The following PYROXD2 variants were observed in gnomAD, a reference collection of about 807,000 sequenced individuals.
PYROXD2 encodes the protein pyridine nucleotide-disulfide oxidoreductase domain-containing protein 2.
PYROXD2 carries 69 observed loss-of-function variants against 71.1 expected under a neutral mutation model. The ratio of observed to expected loss-of-function variants is 0.97; its 90% CI spans 0.80 to 1.19. The LOEUF is 1.19. Ranked by LOEUF, PYROXD2 falls within the 50% of genes most tolerant of loss-of-function variation. PYROXD2 has a pLI of 0.00. For missense variants in PYROXD2, 745 were observed against 748.9 expected (o/e 0.99, Z 0.06); for synonymous variants, 287 against 302.7 (o/e 0.95, Z 0.54).
chr10:98,400,080 A>G (rs1564803988), intron 5 of PYROXD2, 22 bp downstream of exon 5: 1 of 1,609,462 alleles, frequency 6.2e-7, no homozygotes, highest in Non-Finnish European at 8.5e-7. Context: ...GCAGGAGCTC[A>G]GTCACTGGTC....
chr10:98,388,057 T>G (rs115386246), intron 13 of PYROXD2: 3,450 of 340,956 alleles, frequency 0.01, 47 homozygotes, highest in Admixed American at 0.033. Context: ...GGCTCATGCG[T>G]CTCCTTTGGT....
At position 98,391,662 on chromosome 10, in the gene PYROXD2, T is replaced by C. The variant is rs75293431; in HGVS notation, c.1063-580A>G. 4.6e-5 allele frequency among the ~76,000 whole-genome samples: 7 copies of C among 152,304 alleles called. No homozygotes were observed. In the East Asian group the frequency reaches 1.2e-3, roughly 25 times the overall value. ...CACACTCTGACTCTAGGCTTGGCCA[T>C]GAGACTTGGTCTGGCCAATGCTAGC... On this transcript the variant is annotated intron_variant, in intron 10 of 15. Coordinates refer to ENST00000370575, the MANE Select transcript of PYROXD2 (RefSeq NM_032709.3).
chr10:98,410,058 A>G (rs1429521116), intron 2 of PYROXD2, among the ~76,000 whole-genome samples: 1 of 151,664 alleles, frequency 6.6e-6, no homozygotes, highest in Non-Finnish European at 1.5e-5. Flanking sequence ...AGCCTGGGTG[A>G]CAAGAGCAAA....
In PYROXD2 at chr10:98,383,982, G is replaced by T. The variant is rs555551191; in HGVS notation, c.1676-114C>A. The T allele has an allele frequency of 1.1e-5, 10 of 904,436 alleles. No homozygotes were observed. In the East Asian group the frequency reaches 1.4e-4, roughly 13 times the overall value. 56.0% of individuals were successfully genotyped at this position (904,436 alleles called of 1,614,324 possible). ...AAGCAGAGTGGGGCTGGTTAGAGGG[G>T]TCCGGGGGCATGGGCACTGGAATCA... On this transcript the variant is annotated intron_variant, in intron 15 of 15. Coordinates refer to ENST00000370575, the MANE Select transcript of PYROXD2 (RefSeq NM_032709.3).
intron 6 of PYROXD2, among the ~76,000 whole-genome samples, 184 bp downstream of exon 6, chr10:98,397,161 G>A (rs1404754084): frequency 6.6e-6 from 1 of 152,206 alleles, no homozygotes; most frequent in Non-Finnish European, 1.5e-5. Flanking sequence ...CTATTTTAAA[G>A]GCATATCAGC....
In PYROXD2 at chr10:98,395,529, G is replaced by A. The variant is rs1843139007; in HGVS notation, c.626-77C>T. ...CTCCGACCTGGCCTGGGGGATAAAAGCATGGAGGATGCTGAGACTTCCTGC... is the reference window on the plus strand; with the variant it reads ...CTCCGACCTGGCCTGGGGGATAAAAACATGGAGGATGCTGAGACTTCCTGC... On this transcript the variant is annotated intron_variant, in intron 6 of 15. Transcript: ENST00000370575. 32 of 1,311,070 alleles carry A rather than the reference G, an allele frequency of 2.4e-5. No individual in the cohort carries two copies. The South Asian group carries it at 3.8e-4, about 15-fold the overall frequency. The allele number at this position is 1,311,070 out of a possible 1,614,324, so 81.2% of individuals were successfully genotyped here.
At chr10:98,383,921 G>T (rs750555829) in intron 15 of PYROXD2, 53 bp from the exon 16 acceptor site, 248 of 1,523,932 alleles carry the variant, frequency 1.6e-4, no homozygotes, top group Non-Finnish European at 2.1e-4. Flanking sequence ...CTGCCAGGGT[G>T]GGGGTGGGGA....
intron 8 of PYROXD2, among the ~76,000 whole-genome samples, chr10:98,393,715 G>A (rs1843036165): frequency 6.6e-6 from 1 of 151,992 alleles, no homozygotes; most frequent in African/African-American, 2.4e-5. Context: ...ATATCCTGGA[G>A]CCCTATCTTA....
rs76992729 is a variant in PYROXD2 at position 98,386,003 on chromosome 10, G to A, written c.1555-936C>T. Reference sequence around the variant, plus strand: ...TTAAAAAGTAAAAGCAGAGCCGGTTGTGGTGGCCCATGCCTGCAATCCCAG... The same window carrying A: ...TTAAAAAGTAAAAGCAGAGCCGGTTATGGTGGCCCATGCCTGCAATCCCAG... On this transcript the variant is annotated intron_variant, in intron 14 of 15. Coordinates refer to ENST00000370575, the MANE Select transcript of PYROXD2 (RefSeq NM_032709.3). Among the ~76,000 whole-genome samples the A allele has an allele frequency of 1.0e-3, 154 of 152,250 alleles. 2 individuals are homozygous for A. In the East Asian group the frequency reaches 0.027, roughly 27 times the overall value.
At chr10:98,395,563 G>T (rs1843140840) in intron 6 of PYROXD2, 111 bp from the exon 7 acceptor site, 2 of 901,226 alleles carry the variant, frequency 2.2e-6, no homozygotes, top group Middle Eastern at 2.5e-4. Flanking sequence ...GCCAGGAGGT[G>T]GTATAGCACA....
chr10:98,387,191 T>C lies in PYROXD2; in HGVS notation c.1554+10A>G. 6.2e-7 allele frequency: 1 copy of C among 1,607,832 alleles called. No homozygotes were observed. Among genetic ancestry groups the C allele is most frequent in the Non-Finnish European group, 8.5e-7 (1 of 1,174,622 alleles). ...GGCTATGGTGAGAGACCCCCTAGGCTTATACATACCCCTCCAGGAAGCCCG... is the reference window on the plus strand; with the variant it reads ...GGCTATGGTGAGAGACCCCCTAGGCCTATACATACCCCTCCAGGAAGCCCG... On this transcript the variant is annotated intron_variant, in intron 14 of 15. Coordinates refer to ENST00000370575, the MANE Select transcript of PYROXD2 (RefSeq NM_032709.3).
chr10:98,401,449 A>G (rs1348463486), intron 4 of PYROXD2, among the ~76,000 whole-genome samples: 1 of 152,052 alleles, frequency 6.6e-6, no homozygotes, highest in Non-Finnish European at 1.5e-5. Context: ...CTTTATAAAT[A>G]TAGTACACGT....
At chr10:98,408,104 C>T in intron 2 of PYROXD2, 107 bp from the exon 3 acceptor site, 1 of 979,358 alleles carries the variant, frequency 1.0e-6, no homozygotes, top group Non-Finnish European at 1.5e-6. Context: ...CCAGTATGGG[C>T]CACACCCCAT....
intron 1 of PYROXD2, 78 bp downstream of exon 1, chr10:98,414,931 C>A (rs1268529836): frequency 1.9e-6 from 3 of 1,552,660 alleles, no homozygotes; most frequent in Non-Finnish European, 2.6e-6. Flanking sequence ...TTGGCTCCCC[C>A]TCCCCCTCCC....
chr10:98,406,180 G>T (rs565188621), intron 4 of PYROXD2, among the ~76,000 whole-genome samples: 2 of 152,334 alleles, frequency 1.3e-5, no homozygotes, highest in African/African-American at 4.8e-5. Context: ...CAAGGCAGAG[G>T]TTAAAGCATC....
chr10:98,403,061 G>C (rs556416164), intron 4 of PYROXD2, among the ~76,000 whole-genome samples: 3 of 152,324 alleles, frequency 2.0e-5, no homozygotes, highest in South Asian at 4.1e-4. Context: ...CTCCACACTG[G>C]AGATGCTCCA....
At chr10:98,390,910 G>T in intron 11 of PYROXD2, 100 bp downstream of exon 11, 1 of 1,342,670 alleles carries the variant, frequency 7.4e-7, no homozygotes. Context: ...CTGGAGGTCC[G>T]GGAATGGAGA....
chr10:98,407,718 G>T, intron 3 of PYROXD2, 63 bp from the exon 4 acceptor site: 1 of 1,539,638 alleles, frequency 6.5e-7, no homozygotes, highest in East Asian at 2.3e-5. Flanking sequence ...CGTCACCAGG[G>T]GTCAGCAGGG....
Position 98,408,008 on chromosome 10 carries a change from G to C in PYROXD2, c.148-11C>G, listed in dbSNP as rs746584328. 3.0e-5 allele frequency: 48 copies of C among 1,592,378 alleles called. 2 individuals are homozygous for C. The highest frequency in any genetic ancestry group is 3.2e-5 in the Non-Finnish European group (37 of 1,169,144). On this transcript the variant is annotated splice_polypyrimidine_tract_variant and intron_variant, in intron 2 of 15. Transcript: ENST00000370575. The stretch of plus-strand genomic sequence containing the variant: ...CTGCAGGTACGCTGCCTGGGAAGTG[G>C]GGCAGCACACAGGGCCCTCCCTTTA...
Sources: allele counts gnomAD v4.1 joint callset (sites outside exome capture counted in the v4.1 genomes callset), GRCh38; gene constraint gnomAD v4.1.1; transcripts MANE v1.5; gene names NCBI Gene and HGNC (gene_info 2026-07-23, HGNC 2026-07-21).